PPP4R2: variants seen among roughly 807,000 people sequenced by gnomAD.
The protein encoded by PPP4R2 is serine/threonine-protein phosphatase 4 regulatory subunit 2.
PPP4R2 carries 13 observed loss-of-function variants against 47.2 expected under a neutral mutation model. The observed-to-expected ratio is 0.28, with a 90% confidence interval of 0.18 to 0.44. The LOEUF (loss-of-function observed/expected upper bound fraction) is 0.44. PPP4R2 is among the 20% of genes least tolerant of loss of function. PPP4R2 has a pLI of 1.00. For synonymous variants in PPP4R2, 151 were observed against 163.3 expected (o/e 0.92, Z 0.57); for missense variants, 421 against 491.2 (o/e 0.86, Z 1.35).
chr3:73,025,158 A>G (rs1000104804), intron 2 of PPP4R2, among the ~76,000 whole-genome samples: 2 of 152,188 alleles, frequency 1.3e-5, no homozygotes, highest in South Asian at 2.1e-4. Context: ...GAAAATGGGA[A>G]CCATGAGCTG....
chr3:73,048,496 C>T (rs573777898), intron 3 of PPP4R2, among the ~76,000 whole-genome samples: 22 of 152,222 alleles, frequency 1.4e-4, no homozygotes, highest in Admixed American at 9.8e-4. Flanking sequence ...CCTTGTGATC[C>T]GCCCACCTCA....
chr3:73,026,587 T>C (rs1375382957), intron 2 of PPP4R2, among the ~76,000 whole-genome samples: 1 of 152,158 alleles, frequency 6.6e-6, no homozygotes, highest in Non-Finnish European at 1.5e-5. Flanking sequence ...ATTAAATGTT[T>C]TTTGGCCTAT....
intron 2 of PPP4R2, among the ~76,000 whole-genome samples, chr3:72,999,581 T>C (rs1575832497): frequency 6.6e-6 from 1 of 152,354 alleles, no homozygotes; most frequent in Non-Finnish European, 1.5e-5. Context: ...TTGTACACAC[T>C]GCTTTCCCTT....
chr3:73,065,274 T>G, intron 8 of PPP4R2, 123 bp from the exon 9 acceptor site: 1 of 1,288,188 alleles, frequency 7.8e-7, no homozygotes, highest in Admixed American at 2.8e-5. Context: ...CCCACCTGTA[T>G]GTAGTTGCTG....
intron 2 of PPP4R2, among the ~76,000 whole-genome samples, chr3:73,042,974 C>G (rs1044726610): frequency 6.6e-6 from 1 of 152,132 alleles, no homozygotes; most frequent in Admixed American, 6.5e-5. Context: ...TACCTCTTGT[C>G]TGGCTGTTCC....
chr3:73,060,013 C>T (rs754252713), intron 4 of PPP4R2, among the ~76,000 whole-genome samples: 1 of 151,060 alleles, frequency 6.6e-6, no homozygotes, highest in Non-Finnish European at 1.5e-5. Context: ...AAGAAATTGA[C>T]TTGTCTTGAG....
At chr3:73,058,452 A>G (rs992416950) in intron 3 of PPP4R2, among the ~76,000 whole-genome samples, 5 of 152,054 alleles carry the variant, frequency 3.3e-5, no homozygotes, top group Non-Finnish European at 5.9e-5. Context: ...CTATTATATA[A>G]AAATTTTTTC....
Position 73,011,035 on chromosome 3 carries a change from G to A in PPP4R2, c.116+12877G>A, listed in dbSNP as rs139946981. Among the ~76,000 whole-genome samples the A allele has an allele frequency of 6.4e-3, 971 of 152,038 alleles. 7 individuals carry two copies. The highest frequency in any genetic ancestry group is 0.017 in the Middle Eastern group (5 of 294). On this transcript the variant is annotated intron_variant, in intron 2 of 8. Coordinates refer to ENST00000356692, the MANE Select transcript of PPP4R2 (RefSeq NM_174907.4). ...TCCAAGGTTGTACAGCTAAGTAATG[G>A]AACTGGGTTTTATACTCAGGCATTC...
rs1703056459 is a variant in PPP4R2, at chr3:73,068,938, GGGTCA to G, written c.*3218_*3222del. The G allele has an allele frequency of 1.3e-5, 2 of 152,156 alleles. No individual in the cohort carries two copies. Among genetic ancestry groups the G allele is most frequent in the African/African-American group, 4.8e-5 (2 of 41,440 alleles). 9.4% of individuals were successfully genotyped at this position (152,156 alleles called of 1,614,324 possible). ...TTAACATTGGTTTTGATGAAGGTGA[GGGTCA>G]GTTCTCAAGATTTGTGCTAATCATA... On this transcript the variant is annotated 3_prime_UTR_variant, in exon 9 of 9. Coordinates refer to ENST00000356692, the MANE Select transcript of PPP4R2 (RefSeq NM_174907.4).
At chr3:73,039,131 CT>C (rs1292689584) in intron 2 of PPP4R2, among the ~76,000 whole-genome samples, 2 of 152,028 alleles carry the variant, frequency 1.3e-5, no homozygotes, top group Admixed American at 1.3e-4. Context: ...AAAAACAATA[CT>C]TTTTTTATGA....
intron 2 of PPP4R2, among the ~76,000 whole-genome samples, chr3:73,016,622 A>G (rs1559551073): frequency 6.6e-5 from 10 of 152,000 alleles, no homozygotes; most frequent in Admixed American, 6.6e-4. Flanking sequence ...TCAGAATTCT[A>G]TTTGAGACGG....
chr3:73,068,002 A>G lies in PPP4R2; in HGVS notation c.*2280A>G, dbSNP rs1232570242. 1 of 152,184 alleles carries G rather than the reference A, an allele frequency of 6.6e-6. No individual in the cohort carries two copies. The highest frequency in any genetic ancestry group is 1.5e-5 in the Non-Finnish European group (1 of 68,022). The allele number at this position is 152,184 out of a possible 1,614,324, so 9.4% of individuals were successfully genotyped here. A position where few individuals can be genotyped will look rare whatever the true frequency, so the allele number is the denominator to read the frequency against. On this transcript the variant is annotated 3_prime_UTR_variant, in exon 9 of 9. Coordinates refer to ENST00000356692, the MANE Select transcript of PPP4R2 (RefSeq NM_174907.4). Reference sequence around the variant, plus strand: ...TTATACAGATAATTGTAGAATGCTCATGGAATATCTTTAGGGTAGGTGGAA... The same window carrying G: ...TTATACAGATAATTGTAGAATGCTCGTGGAATATCTTTAGGGTAGGTGGAA...
Position 73,064,854 on chromosome 3 carries a change from A to T in PPP4R2, c.641A>T (p.Asp214Val). 6.3e-7 allele frequency: 1 copy of T among 1,587,826 alleles called. No individual in the cohort carries two copies. Among genetic ancestry groups the T allele is most frequent in the African/African-American group, 1.4e-5 (1 of 73,244 alleles). Reference sequence around the variant, plus strand: ...ACACTTTAAAAAAACATTTACAGTGACTCTTCGACCTCTGAATCAGAAGTT... The same window carrying T: ...ACACTTTAAAAAAACATTTACAGTGTCTCTTCGACCTCTGAATCAGAAGTT... ...LQQNEEKNHS[D>V]SSTSESEVSS... The change falls in exon 8 of 9, where the codon GAC (aspartate) becomes GTC (valine). Residue 214 changes from aspartate (D) to valine (V), a missense_variant and splice_region_variant. This residue lies in a region of PPP4R2 where 317 missense variants were observed against 287.5 expected (regional missense o/e 1.10). Transcript: ENST00000356692.
rs565026245 is a variant in PPP4R2 at position 73,049,282 on chromosome 3, A to G, written c.287+1926A>G. ...GGGAGGCCGAGGTGGGCAGATCACT[A>G]GGTCAGGAGATTGAGACCATCCTGG... On this transcript the variant is annotated intron_variant, in intron 3 of 8. Transcript: ENST00000356692. Among the ~76,000 whole-genome samples the G allele has an allele frequency of 3.3e-5, 5 of 152,176 alleles. No homozygotes were observed. The East Asian group carries it at 5.8e-4, about 18-fold the overall frequency.
At position 73,022,157 on chromosome 3, in the gene PPP4R2, A is replaced by G. The variant is rs563536003; in HGVS notation, c.116+23999A>G. On this transcript the variant is annotated intron_variant, in intron 2 of 8. Transcript: ENST00000356692. Reference sequence around the variant, plus strand: ...AGTGGTTTGCTCTCCTTGGCCTCCTAAAGTGCTGTGATTACAGGCACGAAC... The same window carrying G: ...AGTGGTTTGCTCTCCTTGGCCTCCTGAAGTGCTGTGATTACAGGCACGAAC... Among the ~76,000 whole-genome samples the G allele has an allele frequency of 3.3e-5, 5 of 152,178 alleles. No homozygotes were observed. The East Asian group carries it at 5.8e-4, about 18-fold the overall frequency.
intron 1 of PPP4R2, among the ~76,000 whole-genome samples, chr3:72,997,818 A>G (rs964587083): frequency 2.6e-5 from 4 of 152,110 alleles, no homozygotes; most frequent in African/African-American, 9.7e-5. Context: ...GTTCCCCCGG[A>G]CCACACTTCG....
chr3:73,002,393 A>T (rs1418355518), intron 2 of PPP4R2, among the ~76,000 whole-genome samples: 3 of 152,060 alleles, frequency 2.0e-5, no homozygotes, highest in Non-Finnish European at 4.4e-5. Context: ...TAGGACTTAC[A>T]GATAGGGTAC....
rs1157952379 is a variant in PPP4R2 at position 73,067,859 on chromosome 3, A to G, written c.*2137A>G. 2.0e-5 allele frequency: 3 copies of G among 152,218 alleles called. No homozygotes were observed. Among genetic ancestry groups the G allele is most frequent in the Admixed American group, 6.5e-5 (1 of 15,282 alleles). 9.4% of individuals were successfully genotyped at this position (152,218 alleles called of 1,614,324 possible). The stretch of plus-strand genomic sequence containing the variant: ...TATTAAATAAAGTACAATAATGGTG[A>G]ATGTACCAAAATGACATCACTTAAC... On this transcript the variant is annotated 3_prime_UTR_variant, in exon 9 of 9. Transcript: ENST00000356692.
intron 2 of PPP4R2, among the ~76,000 whole-genome samples, chr3:73,003,805 T>A (rs1444077203): frequency 6.6e-6 from 1 of 152,046 alleles, no homozygotes; most frequent in Non-Finnish European, 1.5e-5. Flanking sequence ...TTCAAGCGAT[T>A]TTTCTGCCAC....
Sources: gnomAD v4.1 joint callset for allele counts (sites outside exome capture counted in the v4.1 genomes callset) on GRCh38, gnomAD v4.1.1 for gene constraint, gnomAD v4.1.1 regional missense constraint, MANE v1.5 for transcripts, NCBI Gene and HGNC (gene_info 2026-07-23, HGNC 2026-07-21) for gene names.